B4GALT5: variants seen among roughly 807,000 people sequenced by gnomAD.
The protein encoded by B4GALT5 is beta-1,4-galactosyltransferase 5, also known as UDP-Gal:beta-GlcNAc beta-1,4-galactosyltransferase 5.
A neutral mutation model predicts 45.0 loss-of-function variants in B4GALT5; 11 were observed. The ratio of observed to expected loss-of-function variants is 0.24; its 90% CI spans 0.15 to 0.40. B4GALT5 has a LOEUF of 0.40. Among genes scored for constraint, B4GALT5 ranks in the 10% least tolerant of loss-of-function variants. B4GALT5 has a pLI of 1.00. For missense variants in B4GALT5, 337 were observed against 500.2 expected (o/e 0.67, Z 3.11); for synonymous variants, 185 against 182.9 (o/e 1.01, Z -0.09).
At chr20:49,668,278 A>G (rs530908914) in intron 1 of B4GALT5, among the ~76,000 whole-genome samples, 2 of 152,210 alleles carry the variant, frequency 1.3e-5, no homozygotes, top group East Asian at 1.9e-4. Flanking sequence ...CCCTATAAAC[A>G]TTTCCACTGA....
chr20:49,660,712 G>A (rs962611149), intron 1 of B4GALT5, among the ~76,000 whole-genome samples: 4 of 152,142 alleles, frequency 2.6e-5, no homozygotes, highest in African/African-American at 4.8e-5. Context: ...CCGGTTGGGC[G>A]CAGTGGCTCA....
chr20:49,646,530 G>A (rs1232655120), intron 3 of B4GALT5, among the ~76,000 whole-genome samples: 2 of 152,146 alleles, frequency 1.3e-5, no homozygotes, highest in African/African-American at 4.8e-5. Flanking sequence ...TGCAGCCCAG[G>A]AGCAATAGGC....
chr20:49,688,885 C>T (rs936905934), intron 1 of B4GALT5, among the ~76,000 whole-genome samples: 8 of 146,626 alleles, frequency 5.5e-5, no homozygotes, highest in East Asian at 2.0e-4. Flanking sequence ...GGCAGTGAGC[C>T]GAGATCGTGC....
intron 2 of B4GALT5, among the ~76,000 whole-genome samples, chr20:49,655,753 A>T (rs954254500): frequency 1.3e-5 from 2 of 151,612 alleles, no homozygotes; most frequent in African/African-American, 4.9e-5. Flanking sequence ...ACATGGTGAA[A>T]CCCCATCTCT....
intron 1 of B4GALT5, among the ~76,000 whole-genome samples, chr20:49,678,636 T>C (rs554479484): frequency 2.7e-4 from 41 of 152,240 alleles, no homozygotes; most frequent in African/African-American, 9.4e-4. Flanking sequence ...CCTTTGGGAG[T>C]TGGACAGACA....
rs1265935384 is a variant in B4GALT5 at position 49,634,416 on chromosome 20, A to C, written c.*1896T>G. 3 of 152,494 alleles carry C rather than the reference A, an allele frequency of 2.0e-5. No homozygotes were observed. The highest frequency in any genetic ancestry group is 7.2e-5 in the African/African-American group (3 of 41,450). The allele number at this position is 152,494 out of a possible 1,614,324, so 9.4% of individuals were successfully genotyped here. On this transcript the variant is annotated 3_prime_UTR_variant, in exon 9 of 9. Coordinates refer to ENST00000371711, the MANE Select transcript of B4GALT5 (RefSeq NM_004776.4). ...AAGTACTCTTCAGAAAGTACTCCTC[A>C]TCACAATATATAAATATGTTTTATG... is the stretch of plus-strand genomic sequence containing the variant.
rs73267106 is a variant in B4GALT5 at position 49,704,958 on chromosome 20, T to C, written c.115+8618A>G. 9.2e-3 allele frequency among the ~76,000 whole-genome samples: 1,396 copies of C among 151,290 alleles called. 23 individuals are homozygous for C. Among genetic ancestry groups the C allele is most frequent in the African/African-American group, 0.032 (1,335 of 41,200 alleles). ...GTCACCTGCAAAGGCAGAGGAACAA[T>C]ACCCAGGGTCTAATAATTGCTTACT... On this transcript the variant is annotated intron_variant, in intron 1 of 8. Coordinates refer to ENST00000371711, the MANE Select transcript of B4GALT5 (RefSeq NM_004776.4).
chr20:49,658,446 T>C (rs1026024090), intron 1 of B4GALT5, among the ~76,000 whole-genome samples: 6 of 152,228 alleles, frequency 3.9e-5, no homozygotes, highest in African/African-American at 1.4e-4. Context: ...CCCTGAAATC[T>C]TCCTTTCATC....
intron 1 of B4GALT5, among the ~76,000 whole-genome samples, chr20:49,689,385 C>T (rs556988697): frequency 6.6e-5 from 10 of 152,274 alleles, no homozygotes; most frequent in African/African-American, 2.4e-4. Context: ...TCAATGGATC[C>T]GTTTCTGCCC....
intron 1 of B4GALT5, among the ~76,000 whole-genome samples, chr20:49,696,558 G>C (rs2085840356): frequency 6.6e-6 from 1 of 152,182 alleles, no homozygotes. Flanking sequence ...GCCAGGAAAA[G>C]ATCTTATAGC....
intron 1 of B4GALT5, among the ~76,000 whole-genome samples, chr20:49,701,671 A>C (rs1051861496): frequency 2.0e-5 from 3 of 152,224 alleles, no homozygotes; most frequent in Admixed American, 2.0e-4. Flanking sequence ...AACAAAAAAA[A>C]CACCCACAAT....
chr20:49,658,219 T>TA (rs1174917149), intron 1 of B4GALT5, among the ~76,000 whole-genome samples: 4 of 151,994 alleles, frequency 2.6e-5, no homozygotes, highest in African/African-American at 7.2e-5. Context: ...TTCCAATTAT[T>TA]AAAAAAAAGT....
chr20:49,713,602 T>G lies in B4GALT5; in HGVS notation c.89A>C (p.Tyr30Ser). 1 of 1,589,046 alleles carries G rather than the reference T, an allele frequency of 6.3e-7. No individual in the cohort carries two copies. The highest frequency in any genetic ancestry group is 8.6e-7 in the Non-Finnish European group (1 of 1,168,980). Residue 30 changes from tyrosine (Y) to serine (S), a missense_variant, in exon 1 of 9, where the codon TAC becomes TCC. By Grantham distance (144) the Tyr-to-Ser change is moderately radical (BLOSUM62 -2). This residue lies in a region of B4GALT5 where 174 missense variants were observed against 207.4 expected (regional missense o/e 0.84). Transcript: ENST00000371711. ...FFFSLSSSLLYFVYVAPGIVN... is the reference protein window; with the variant it reads ...FFFSLSSSLLSFVYVAPGIVN... The stretch of plus-strand genomic sequence containing the variant: ...TATGCCGGGCGCCACATAGACGAAG[T>G]ACAGCAGCGAGGACGAGAGAGAAAA...
intron 1 of B4GALT5, among the ~76,000 whole-genome samples, chr20:49,667,425 T>G (rs1386796990): frequency 6.6e-6 from 1 of 152,066 alleles, no homozygotes; most frequent in African/African-American, 2.4e-5. Context: ...CTAATTTTTT[T>G]TGTATTTTTA....
chr20:49,679,698 C>A (rs1315452016), intron 1 of B4GALT5, among the ~76,000 whole-genome samples: 11 of 151,402 alleles, frequency 7.3e-5, no homozygotes, highest in African/African-American at 1.9e-4. Flanking sequence ...AAACAAAAAA[C>A]AAAAACCTTG....
intron 1 of B4GALT5, among the ~76,000 whole-genome samples, chr20:49,660,802 C>T (rs1472887936): frequency 6.6e-6 from 1 of 152,120 alleles, no homozygotes; most frequent in African/African-American, 2.4e-5. Flanking sequence ...CTGGGCAATA[C>T]AGCAAAATCC....
intron 2 of B4GALT5, 144 bp from the exon 3 acceptor site, chr20:49,647,222 T>C: frequency 1.8e-6 from 1 of 549,604 alleles, no homozygotes; most frequent in Non-Finnish European, 3.3e-6. Context: ...TTGATGCAGC[T>C]AAAAATGTGA....
At chr20:49,690,775 A>G (rs1476350546) in intron 1 of B4GALT5, among the ~76,000 whole-genome samples, 2 of 152,208 alleles carry the variant, frequency 1.3e-5, no homozygotes, top group Non-Finnish European at 2.9e-5. Context: ...CAACACAAGT[A>G]TTCTTGTTTC....
rs235034 is a variant in B4GALT5, at chr20:49,635,801, T to A, written c.*511A>T. 0.47 allele frequency: 72,233 copies of A among 152,160 alleles called. 17,929 individuals are homozygous for A. Among genetic ancestry groups the A allele is most frequent in the South Asian group, 0.65 (3,142 of 4,820 alleles). The allele number at this position is 152,160 out of a possible 1,614,324, so 9.4% of individuals were successfully genotyped here. On this transcript the variant is annotated 3_prime_UTR_variant, in exon 9 of 9. Coordinates refer to ENST00000371711, the MANE Select transcript of B4GALT5 (RefSeq NM_004776.4). ...TCCCCACCCAAAGAAGGTAATTTTT[T>A]AAAAAAATGAAACCAAAGAGAACAC... is the stretch of plus-strand genomic sequence containing the variant.
Sources: gnomAD v4.1 joint callset for allele counts (sites outside exome capture counted in the v4.1 genomes callset) on GRCh38, gnomAD v4.1.1 for gene constraint, gnomAD v4.1.1 regional missense constraint, MANE v1.5 for transcripts, NCBI Gene and HGNC (gene_info 2026-07-23, HGNC 2026-07-21) for gene names.